Variants in ZNF292 observed in about 807,000 individuals in gnomAD.
ZNF292 encodes the protein 16 zinc-finger domain protein.
ZNF292 carries 26 observed loss-of-function variants against 217.9 expected under a neutral mutation model. The observed-to-expected ratio is 0.12, with a 90% confidence interval of 0.09 to 0.17. The LOEUF (loss-of-function observed/expected upper bound fraction) is 0.17. Among genes scored for constraint, ZNF292 ranks in the 10% least tolerant of loss-of-function variants. The pLI is 1.00. For synonymous variants in ZNF292, 1,257 were observed against 1,124.1 expected (o/e 1.12, Z -2.37); for missense variants, 2,904 against 3,175.2 (o/e 0.91, Z 2.05).
intron 1 of ZNF292, among the ~76,000 whole-genome samples, chr6:87,191,654 C>T (rs976766496): frequency 3.3e-5 from 5 of 152,080 alleles, no homozygotes; most frequent in African/African-American, 7.2e-5. Flanking sequence ...AATCATGTCT[C>T]CTTGTTGCTT....
At chr6:87,239,110 T>A (rs1582477048) in intron 5 of ZNF292, among the ~76,000 whole-genome samples, 1 of 151,886 alleles carries the variant, frequency 6.6e-6, no homozygotes, top group Non-Finnish European at 1.5e-5. Flanking sequence ...CAATCTGATT[T>A]CTCTATCTTT....
chr6:87,159,505 T>C (rs1770652467), intron 1 of ZNF292, among the ~76,000 whole-genome samples: 1 of 144,034 alleles, frequency 6.9e-6, no homozygotes, highest in African/African-American at 2.7e-5. Flanking sequence ...CTTTTTTTTT[T>C]TTTTTTTTTT....
intron 1 of ZNF292, among the ~76,000 whole-genome samples, chr6:87,182,990 A>G (rs7761576): frequency 0.011 from 1,616 of 152,298 alleles, 29 homozygotes; most frequent in African/African-American, 0.035. Context: ...TGAAACACTC[A>G]TGGAGATAGT....
intron 1 of ZNF292, among the ~76,000 whole-genome samples, chr6:87,189,999 A>T (rs959400099): frequency 2.2e-4 from 33 of 152,234 alleles, no homozygotes; most frequent in African/African-American, 8.0e-4. Flanking sequence ...CTTGGTTAAT[A>T]ATCCAACACC....
Position 87,257,693 on chromosome 6 carries a change from A to G in ZNF292, c.4064A>G (p.Glu1355Gly). 6.2e-7 allele frequency: 1 copy of G among 1,612,828 alleles called. No homozygotes were observed. Among genetic ancestry groups the G allele is most frequent in the East Asian group, 2.2e-5 (1 of 44,828 alleles). The change falls in exon 8 of 8, where the codon GAA becomes GGA. Residue 1355 changes from glutamate to glycine, a missense_variant. By Grantham distance (98) the Glu-to-Gly change is moderately conservative. Coordinates refer to ENST00000369577, the MANE Select transcript of ZNF292 (RefSeq NM_015021.3). ...KDRGRGPNGK[E>G]RKPKHNKRAK... is the part of the protein sequence containing the mutation. ...CGTGGGCGGGGCCCAAATGGGAAGG[A>G]AAGAAAACCTAAGCACAACAAAAGG...
At chr6:87,206,967 A>G (rs1313229778) in intron 1 of ZNF292, among the ~76,000 whole-genome samples, 1 of 152,238 alleles carries the variant, frequency 6.6e-6, no homozygotes, top group East Asian at 1.9e-4. Context: ...AAAGGGATGT[A>G]GTTTGTGAGT....
Position 87,256,973 on chromosome 6 carries a change from T to C in ZNF292, c.3344T>C (p.Ile1115Thr). 4 of 1,613,714 alleles carry C rather than the reference T, an allele frequency of 2.5e-6. No homozygotes were observed. Among genetic ancestry groups the C allele is most frequent in the Non-Finnish European group, 3.4e-6 (4 of 1,179,804 alleles). The change falls in exon 8 of 8, where the codon ATT becomes ACT. Residue 1115 changes from isoleucine (I) to threonine (T), a missense_variant. By Grantham distance (89) the Ile-to-Thr change is moderately conservative (BLOSUM62 -1). Coordinates refer to ENST00000369577, the MANE Select transcript of ZNF292 (RefSeq NM_015021.3). ...CTRTYNSSQSIGKHMKTAHPD... is the reference protein window; with the variant it reads ...CTRTYNSSQSTGKHMKTAHPD... ...CGAACCTATAATTCTTCACAGAGTA[T>C]TGGGAAACACATGAAGACAGCACAC... is the stretch of plus-strand genomic sequence containing the variant.
At chr6:87,239,135 C>G (rs1220999894) in intron 5 of ZNF292, among the ~76,000 whole-genome samples, 1 of 152,294 alleles carries the variant, frequency 6.6e-6, no homozygotes, top group Non-Finnish European at 1.5e-5. Context: ...CACATTTCCC[C>G]CTTTTCTATT....
In ZNF292 at chr6:87,255,264, G is replaced by A. The variant is rs747628341; in HGVS notation, c.1635G>A (p.Val545=). Residue 545 remains valine, a synonymous_variant, in exon 8 of 8, where the codon GTG becomes GTA. Coordinates refer to ENST00000369577, the MANE Select transcript of ZNF292 (RefSeq NM_015021.3). ...GGCAAGCCTACATGCAGTATTGTGT[G>A]TTGTGTGACAAAGAATTCCTTGGTC... ...RNWQAYMQYC[V]LCDKEFLGHR... The A allele has an allele frequency of 1.2e-6, 2 of 1,613,890 alleles. No homozygotes were observed. Among genetic ancestry groups the A allele is most frequent in the Admixed American group, 3.3e-5 (2 of 59,978 alleles).
Position 87,227,623 on chromosome 6 carries a change from C to T in ZNF292, c.539-5702C>T, listed in dbSNP as rs1773422146. Among the ~76,000 whole-genome samples, 3 of 152,104 alleles carry T rather than the reference C, an allele frequency of 2.0e-5. 1 individual carries two copies. In the South Asian group the frequency reaches 6.2e-4, roughly 32 times the overall value. Reference sequence around the variant, plus strand: ...TCCCTTAGCCCTCAGCCCCTGTAACCACTACCCTACTTTTTGTTTCTATAA... The same window carrying T: ...TCCCTTAGCCCTCAGCCCCTGTAACTACTACCCTACTTTTTGTTTCTATAA... On this transcript the variant is annotated intron_variant, in intron 4 of 7. Coordinates refer to ENST00000369577, the MANE Select transcript of ZNF292 (RefSeq NM_015021.3).
intron 5 of ZNF292, among the ~76,000 whole-genome samples, chr6:87,240,060 A>G (rs1303687600): frequency 1.3e-5 from 2 of 152,248 alleles, no homozygotes; most frequent in African/African-American, 2.4e-5. Context: ...AGCCTGGGCA[A>G]CATTGAGCAC....
intron 7 of ZNF292, among the ~76,000 whole-genome samples, chr6:87,248,814 A>G (rs1444741233): frequency 5.3e-5 from 8 of 152,298 alleles, no homozygotes; most frequent in South Asian, 2.1e-4. Context: ...AAAAGTGACC[A>G]TCCTTCTTCA....
intron 1 of ZNF292, among the ~76,000 whole-genome samples, chr6:87,172,137 A>G (rs1027371356): frequency 2.0e-5 from 3 of 152,196 alleles, no homozygotes; most frequent in Admixed American, 6.5e-5. Flanking sequence ...ATGATACCCT[A>G]TGAGGGAAGG....
intron 1 of ZNF292, among the ~76,000 whole-genome samples, chr6:87,190,590 C>T (rs534718830): frequency 6.6e-6 from 1 of 152,294 alleles, no homozygotes; most frequent in South Asian, 2.1e-4. Context: ...TCTCCTGCCT[C>T]AGCCTCTTGC....
At position 87,255,095 on chromosome 6, in the gene ZNF292, G is replaced by A; in HGVS notation, c.1466G>A (p.Ser489Asn). The stretch of plus-strand genomic sequence containing the variant: ...AAAGTGGTAGACTACCAAGAAGAGA[G>A]TAAAGAAACTTCTATGAATGGGCTT... Reference protein sequence around the residue: ...YEKVVDYQEESKETSMNGLSG... With the variant: ...YEKVVDYQEENKETSMNGLSG... The change falls in exon 8 of 8, where the codon AGT becomes AAT. Residue 489 changes from serine to asparagine, a missense_variant. Physicochemically the swap from Ser to Asn is conservative, Grantham distance 46. Coordinates refer to ENST00000369577, the MANE Select transcript of ZNF292 (RefSeq NM_015021.3). The A allele has an allele frequency of 1.2e-6, 2 of 1,613,610 alleles. No homozygotes were observed. The highest frequency in any genetic ancestry group is 1.7e-6 in the Non-Finnish European group (2 of 1,179,830).
intron 1 of ZNF292, among the ~76,000 whole-genome samples, chr6:87,171,223 C>T (rs904183025): frequency 2.0e-5 from 3 of 152,050 alleles, no homozygotes; most frequent in African/African-American, 7.2e-5. Context: ...AGATTAGTGG[C>T]TTTATAGTTG....
chr6:87,194,838 A>G (rs1164801554), intron 1 of ZNF292, among the ~76,000 whole-genome samples: 1 of 152,176 alleles, frequency 6.6e-6, no homozygotes, highest in Non-Finnish European at 1.5e-5. Context: ...TATGCGAAAA[A>G]TCCTTATAAC....
At chr6:87,230,603 G>A (rs9444485) in intron 4 of ZNF292, among the ~76,000 whole-genome samples, 40,538 of 151,576 alleles carry the variant, frequency 0.27, 5,858 homozygotes, top group Admixed American at 0.38. Context: ...GCGTGGTGGC[G>A]GGCGCCTGTA....
Position 87,260,981 on chromosome 6 carries a change from C to A in ZNF292, c.7352C>A (p.Ser2451Tyr). The A allele has an allele frequency of 6.2e-7, 1 of 1,608,344 alleles. No individual in the cohort carries two copies. The highest frequency in any genetic ancestry group is 8.5e-7 in the Non-Finnish European group (1 of 1,177,072). ...GGTGCTAAGAATGATGTGAAAGATT[C>A]TGACACGTGTGTATCAGAGAGCAAT... ...QEGAKNDVKD[S>Y]DTCVSESNDN... The change falls in exon 8 of 8, where the codon TCT becomes TAT. Residue 2451 changes from serine (S) to tyrosine (Y), a missense_variant. Ser to Tyr is a moderately radical substitution (Grantham distance 144). Around this residue, in one of 15 missense-constraint regions of ZNF292, gnomAD observed 380 missense variants for 355.3 expected, o/e 1.07. Coordinates refer to ENST00000369577, the MANE Select transcript of ZNF292 (RefSeq NM_015021.3).
Sources: gnomAD v4.1 joint callset for allele counts (sites outside exome capture counted in the v4.1 genomes callset) on GRCh38, gnomAD v4.1.1 for gene constraint, gnomAD v4.1.1 regional missense constraint, MANE v1.5 for transcripts, NCBI Gene and HGNC (gene_info 2026-07-23, HGNC 2026-07-21) for gene names.